ZNF254: variants seen among roughly 807,000 people sequenced by gnomAD.
The protein encoded by ZNF254 is zinc finger protein 254.
Under a neutral mutation model 12.4 loss-of-function variants are expected in ZNF254, and 10 were observed. That is an observed-to-expected ratio of 0.80 (90% CI 0.50 to 1.36). The LOEUF (loss-of-function observed/expected upper bound fraction) is 1.36. Among genes scored for constraint, ZNF254 ranks in the 40% most tolerant of loss-of-function variants. The pLI is 0.00. For synonymous variants in ZNF254, 305 were observed against 253.4 expected (o/e 1.20, Z -1.93); for missense variants, 996 against 763.9 (o/e 1.30, Z -3.58).
intron 2 of ZNF254, among the ~76,000 whole-genome samples, chr19:24,064,274 A>T (rs956737835): frequency 4.9e-4 from 75 of 152,254 alleles, no homozygotes; most frequent in African/African-American, 1.6e-3. Context: ...CTCCTTTCTA[A>T]GCCCTACCCA....
intron 2 of ZNF254, among the ~76,000 whole-genome samples, chr19:24,046,862 C>CTT (rs756475156): frequency 7.2e-6 from 1 of 139,830 alleles, no homozygotes; most frequent in African/African-American, 2.6e-5. Context: ...TTCATCTTTC[C>CTT]TTTTTTTTTT....
At chr19:24,121,693 G>T (rs908516732) in intron 3 of ZNF254, among the ~76,000 whole-genome samples, 1 of 152,024 alleles carries the variant, frequency 6.6e-6, no homozygotes, top group Admixed American at 6.6e-5. Flanking sequence ...AATTAGCTGG[G>T]ATTACAGGCG....
intron 1 of ZNF254, among the ~76,000 whole-genome samples, chr19:24,089,356 GA>G (rs1972228830): frequency 6.6e-6 from 1 of 152,176 alleles, no homozygotes. Context: ...CCTATGAGAA[GA>G]AAGCAAAGAA....
At chr19:24,037,820 G>C (rs976649353) in intron 1 of ZNF254, among the ~76,000 whole-genome samples, 1 of 152,164 alleles carries the variant, frequency 6.6e-6, no homozygotes, top group African/African-American at 2.4e-5. Context: ...TGTTGGTCAG[G>C]CTGGTCTCGA....
At position 24,049,230 on chromosome 19, in the gene ZNF254, T is replaced by TAA. The variant is rs765070017; in HGVS notation, c.-94+2952_-94+2953dup. On this transcript the variant is annotated intron_variant, in intron 2 of 4. Coordinates refer to the ZNF254 transcript ENST00000613065. Reference sequence around the variant, plus strand: ...TATATATATATTTTTTTTTTTTTTTTAATTTATTTATTATTTTTTAATATA... The same window carrying TAA: ...TATATATATATTTTTTTTTTTTTTTTAAAATTTATTTATTATTTTTTAATATA... Among the ~76,000 whole-genome samples the TAA allele has an allele frequency of 4.1e-5, 5 of 121,146 alleles. No individual in the cohort carries two copies. In the East Asian group the frequency reaches 1.3e-3, roughly 30 times the overall value. The allele number at this position is 121,146 out of a possible 152,430, so 79.5% of individuals were successfully genotyped here. A position where few individuals can be genotyped will look rare whatever the true frequency, so the allele number is the denominator to read the frequency against.
intron 3 of ZNF254, among the ~76,000 whole-genome samples, chr19:24,109,466 G>T (rs1376286135): frequency 6.6e-6 from 1 of 151,828 alleles, no homozygotes; most frequent in Non-Finnish European, 1.5e-5. Context: ...TTAAGTGCAG[G>T]TTTCTTAATA....
intron 1 of ZNF254, among the ~76,000 whole-genome samples, chr19:24,045,472 A>T (rs941609374): frequency 6.6e-6 from 1 of 151,914 alleles, no homozygotes; most frequent in Non-Finnish European, 1.5e-5. Flanking sequence ...GATCGAGATC[A>T]TCCTGGCTAA....
chr19:24,125,931 G>A (rs955256266), intron 3 of ZNF254, among the ~76,000 whole-genome samples: 1 of 152,200 alleles, frequency 6.6e-6, no homozygotes, highest in Non-Finnish European at 1.5e-5. Context: ...CAATTTACTT[G>A]TAAAGACACT....
Position 24,126,347 on chromosome 19 carries a change from G to A in ZNF254, c.347G>A (p.Gly116Glu), listed in dbSNP as rs772119365. 10 of 1,609,056 alleles carry A rather than the reference G, an allele frequency of 6.2e-6. 1 individual carries two copies. The South Asian group carries it at 8.9e-5, about 14-fold the overall frequency. The part of the protein sequence containing the change: ...KAILRRYGKY[G>E]HENLQLRKGC... ...ATACTGAGAAGATATGGAAAATATG[G>A]ACATGAGAATTTACAGTTAAGAAAA... The change falls in exon 4 of 4, where the codon GGA (glycine) becomes GAA (glutamate). Residue 116 changes from glycine (G) to glutamate (E), a missense_variant. Coordinates refer to ENST00000357002, the MANE Select transcript of ZNF254 (RefSeq NM_203282.4).
chr19:24,084,918 T>C (rs1971970124), upstream of ZNF254, among the ~76,000 whole-genome samples: 1 of 146,066 alleles, frequency 6.8e-6, no homozygotes, highest in South Asian at 2.2e-4. Flanking sequence ...TGAGCCATCA[T>C]GAGTGACCAC....
At chr19:24,072,681 C>A (rs2145505604) in intron 2 of ZNF254, among the ~76,000 whole-genome samples, 1 of 152,320 alleles carries the variant, frequency 6.6e-6, no homozygotes, top group Admixed American at 6.5e-5. Context: ...GTTCAGCAAC[C>A]AGGTGTGTAC....
In ZNF254 at chr19:24,125,273, T is replaced by C. The variant is rs1220751451; in HGVS notation, c.254-981T>C. ...TCTGTCAGTTTTTTTGTGTATATTT[T>C]ATCTCCACAATTTGTTTTTTGATAT... On this transcript the variant is annotated intron_variant, in intron 3 of 3. Transcript: ENST00000357002. 5.3e-5 allele frequency among the ~76,000 whole-genome samples: 8 copies of C among 151,810 alleles called. No individual in the cohort carries two copies. The South Asian group carries it at 1.0e-3, about 20-fold the overall frequency.
chr19:24,105,938 A>G lies in ZNF254; in HGVS notation c.31-2A>G. 1 of 1,589,916 alleles carries G rather than the reference A, an allele frequency of 6.3e-7. No homozygotes were observed. The highest frequency in any genetic ancestry group is 1.1e-5 in the South Asian group (1 of 90,864). ...ATATGTGTGTTTGTGTGTGTTTTCC[A>G]GGGACTGTTGACATTTAGGGATGTG... On this transcript the variant is annotated splice_acceptor_variant, in intron 1 of 3. Coordinates refer to ENST00000357002, the MANE Select transcript of ZNF254 (RefSeq NM_203282.4). LOFTEE classifies it high-confidence loss of function.
chr19:24,110,313 G>T (rs1372191019), intron 3 of ZNF254, among the ~76,000 whole-genome samples: 1 of 151,936 alleles, frequency 6.6e-6, no homozygotes, highest in South Asian at 2.1e-4. Flanking sequence ...TTAAAACCAG[G>T]ATTTTGAGAG....
Sources: allele counts gnomAD v4.1 joint callset (sites outside exome capture counted in the v4.1 genomes callset), GRCh38; gene constraint gnomAD v4.1.1; transcripts MANE v1.5; gene names NCBI Gene and HGNC (gene_info 2026-07-23, HGNC 2026-07-21).